The following MALRD1 variants were observed in gnomAD, a reference collection of about 807,000 sequenced individuals.
MALRD1 encodes MAM and LDL receptor class A domain containing 1.
In MALRD1, 247 loss-of-function variants were observed where a neutral mutation model predicts 242.1. That is an observed-to-expected ratio of 1.02 (90% CI 0.92 to 1.13). MALRD1 has a LOEUF of 1.13. MALRD1 is among the 50% of genes most tolerant of loss of function. The pLI is 0.00. For missense variants in MALRD1, 2,989 were observed against 2,533.1 expected, an observed-to-expected ratio of 1.18 and a Z score of -3.86; for synonymous variants, 995 against 866.6, an observed-to-expected ratio of 1.15 and a Z score of -2.60.
chr10:19,387,224 C>T (rs575873568), intron 26 of MALRD1, among the ~76,000 whole-genome samples: 2 of 151,426 alleles, frequency 1.3e-5, no homozygotes, highest in South Asian at 2.1e-4. Flanking sequence ...TAATTTACAT[C>T]CTTGAACACA....
At position 19,403,882 on chromosome 10, in the gene MALRD1, T is replaced by C. The variant is rs540358355; in HGVS notation, c.4845+14273T>C. The stretch of plus-strand genomic sequence containing the variant: ...AGGCAGAACATTGAAATTAATTACT[T>C]TGGTGGCTTCATTAGAATCGGAGCT... On this transcript the variant is annotated intron_variant, in intron 28 of 39. Coordinates refer to ENST00000454679, the MANE Select transcript of MALRD1 (RefSeq NM_001142308.3). Among the ~76,000 whole-genome samples the C allele has an allele frequency of 3.3e-5, 5 of 152,206 alleles. No homozygotes were observed. In the South Asian group the frequency reaches 1.0e-3, roughly 31 times the overall value.
chr10:19,244,126 C>T (rs1324618773), intron 18 of MALRD1, among the ~76,000 whole-genome samples: 1 of 152,148 alleles, frequency 6.6e-6, no homozygotes, highest in Non-Finnish European at 1.5e-5. Flanking sequence ...AGACCTTTTA[C>T]TCATGCTTTA....
chr10:19,405,532 A>G (rs1004057446), intron 28 of MALRD1, among the ~76,000 whole-genome samples: 1 of 152,174 alleles, frequency 6.6e-6, no homozygotes, highest in Non-Finnish European at 1.5e-5. Context: ...ATGGGAGGAA[A>G]ACCACATCTC....
At chr10:19,067,234 T>G (rs895245803) in intron 2 of MALRD1, among the ~76,000 whole-genome samples, 12 of 152,156 alleles carry the variant, frequency 7.9e-5, no homozygotes, top group Non-Finnish European at 5.9e-5. Context: ...TTATTTTGCT[T>G]GGACTGATTT....
At chr10:19,236,196 C>G (rs1425227162) in intron 18 of MALRD1, among the ~76,000 whole-genome samples, 2 of 152,188 alleles carry the variant, frequency 1.3e-5, no homozygotes, top group Non-Finnish European at 2.9e-5. Flanking sequence ...TTTTCACTCT[C>G]TTAGCCCCAT....
chr10:19,488,829 CAA>C (rs1392188336), intron 29 of MALRD1: 1 of 345,606 alleles, frequency 2.9e-6, no homozygotes, highest in African/African-American at 2.1e-5. Context: ...TGTGGCCATG[CAA>C]AGAAGTCAAA....
At chr10:19,105,763 C>T (rs1588551958) in intron 5 of MALRD1, among the ~76,000 whole-genome samples, 1 of 151,924 alleles carries the variant, frequency 6.6e-6, no homozygotes, top group Non-Finnish European at 1.5e-5. Context: ...TTTTAATTTG[C>T]ATTTCCCTGA....
At chr10:19,718,488 G>A (rs1233324638) in intron 38 of MALRD1, among the ~76,000 whole-genome samples, 2 of 152,138 alleles carry the variant, frequency 1.3e-5, no homozygotes. Context: ...TGAACTCAAC[G>A]CAAGAACTCA....
intron 13 of MALRD1, 71 bp downstream of exon 13, chr10:19,165,881 T>C (rs1464689760): frequency 9.0e-7 from 1 of 1,110,154 alleles, no homozygotes; most frequent in Non-Finnish European, 1.1e-6. Context: ...CAGATAACAA[T>C]ATAACACACA....
chr10:19,238,468 A>AT (rs373763200), intron 18 of MALRD1, among the ~76,000 whole-genome samples: 2 of 38,066 alleles, frequency 5.3e-5, no homozygotes, highest in African/African-American at 1.6e-4. Context: ...TATATAATAT[A>AT]ATATATAATA....
chr10:19,389,116 T>C (rs1304169715), intron 27 of MALRD1: 2 of 381,164 alleles, frequency 5.2e-6, no homozygotes, highest in Non-Finnish European at 1.0e-5. Context: ...TTAGATTTCA[T>C]TGGTAGTCTT....
chr10:19,316,749 T>C (rs1009611217), intron 21 of MALRD1, among the ~76,000 whole-genome samples: 1 of 151,686 alleles, frequency 6.6e-6, no homozygotes, highest in Non-Finnish European at 1.5e-5. Flanking sequence ...AGATACAGAA[T>C]AGAATGGTGG....
chr10:19,321,631 C>T (rs1842918979), intron 21 of MALRD1, among the ~76,000 whole-genome samples: 2 of 152,078 alleles, frequency 1.3e-5, no homozygotes, highest in Admixed American at 1.3e-4. Context: ...TTGTTAGAAA[C>T]ATCTGAACTA....
intron 24 of MALRD1, among the ~76,000 whole-genome samples, chr10:19,343,882 C>T (rs1195164047): frequency 2.0e-5 from 3 of 152,074 alleles, no homozygotes; most frequent in African/African-American, 7.2e-5. Context: ...GGAGTAATAT[C>T]TCACCATGGT....
chr10:19,323,440 G>T (rs921451515), intron 21 of MALRD1, among the ~76,000 whole-genome samples: 8 of 152,046 alleles, frequency 5.3e-5, no homozygotes, highest in African/African-American at 1.7e-4. Flanking sequence ...TATACACATT[G>T]TACCAATTGA....
At chr10:19,350,800 T>A (rs1844340763) in intron 25 of MALRD1, among the ~76,000 whole-genome samples, 1 of 152,134 alleles carries the variant, frequency 6.6e-6, no homozygotes, top group Admixed American at 6.5e-5. Flanking sequence ...AAGTCCCTGT[T>A]TGTAGCTGCA....
At chr10:19,611,885 C>T (rs16919158) in intron 35 of MALRD1, among the ~76,000 whole-genome samples, 4,104 of 152,090 alleles carry the variant, frequency 0.027, 165 homozygotes, top group African/African-American at 0.092. Context: ...CAGGATTCAC[C>T]TCTGGTTCCA....
rs200200842 is a variant in MALRD1 at position 19,235,680 on chromosome 10, TG to T, written c.2992-22002del. ...GGAACACTTTCTAGTACAGAATGAA[TG>T]GAAAGGATTCATGAAATATCTAGAA... is the stretch of plus-strand genomic sequence containing the variant. On this transcript the variant is annotated intron_variant, in intron 18 of 39. Transcript: ENST00000454679. 5.9e-3 allele frequency among the ~76,000 whole-genome samples: 885 copies of T among 149,524 alleles called. 6 individuals carry two copies. The highest frequency in any genetic ancestry group is 0.026 in the Middle Eastern group (7 of 272).
chr10:19,692,874 T>C (rs185794500), intron 38 of MALRD1, among the ~76,000 whole-genome samples: 1 of 30,980 alleles, frequency 3.2e-5, no homozygotes, highest in South Asian at 1.5e-3. Context: ...AAATTATATA[T>C]ATATATATAT....
Sources: gnomAD v4.1 joint callset for allele counts (sites outside exome capture counted in the v4.1 genomes callset) on GRCh38, gnomAD v4.1.1 for gene constraint, MANE v1.5 for transcripts, NCBI Gene and HGNC (gene_info 2026-07-23, HGNC 2026-07-21) for gene names.